GRAMD4: variants seen among roughly 807,000 people sequenced by gnomAD.
GRAMD4 encodes GRAM domain-containing protein 4.
A neutral mutation model predicts 83.9 loss-of-function variants in GRAMD4; 25 were observed. The observed-to-expected ratio is 0.30, with a 90% confidence interval of 0.22 to 0.42. The LOEUF is 0.42. Ranked by LOEUF, GRAMD4 falls within the 10% of genes least tolerant of loss-of-function variation. The pLI, the probability that GRAMD4 is intolerant of heterozygous loss-of-function variation, is 1.00. For missense variants in GRAMD4, 593 were observed against 788.7 expected (o/e 0.75, Z 2.97); for synonymous variants, 336 against 320.9 (o/e 1.05, Z -0.50).
Position 46,678,773 on chromosome 22 carries a change from G to T in GRAMD4, c.*1522G>T. On this transcript the variant is annotated 3_prime_UTR_variant, in exon 19 of 19. Coordinates refer to ENST00000406902, the MANE Select transcript of GRAMD4 (RefSeq NM_015124.5). ...GTGGGTGAGGGATCCGGCGGCATGG[G>T]CTGGTTTCACCCCCTTCACGAGGGG... The T allele has an allele frequency of 1.0e-6, 1 of 986,074 alleles. No individual in the cohort carries two copies. Among genetic ancestry groups the T allele is most frequent in the Non-Finnish European group, 1.2e-6 (1 of 830,022 alleles). The allele number at this position is 986,074 out of a possible 1,614,324, so 61.1% of individuals were successfully genotyped here.
chr22:46,677,884 G>T lies in GRAMD4; in HGVS notation c.*633G>T, dbSNP rs530056034. On this transcript the variant is annotated 3_prime_UTR_variant, in exon 19 of 19. Transcript: ENST00000406902. ...CACTCGCTCCACGGGAACAGAGAGG[G>T]TGAGAAGGGCCCACCCCTCGCCTGC... 2.0e-4 allele frequency: 199 copies of T among 985,226 alleles called. 1 individual carries two copies. The African/African-American group carries it at 3.1e-3, about 15-fold the overall frequency. The allele number at this position is 985,226 out of a possible 1,614,324, so 61.0% of individuals were successfully genotyped here.
At chr22:46,668,628 G>C in intron 11 of GRAMD4, 61 bp from the exon 12 acceptor site, 1 of 1,496,032 alleles carries the variant, frequency 6.7e-7, no homozygotes, top group Non-Finnish European at 9.3e-7. Context: ...TCCTGGCGTC[G>C]CGGTGTGACT....
At chr22:46,589,890 C>A (rs61314860) in intron 1 of GRAMD4, among the ~76,000 whole-genome samples, 1 of 151,944 alleles carries the variant, frequency 6.6e-6, no homozygotes, top group Non-Finnish European at 1.5e-5. Context: ...TCAGAGAGGC[C>A]TCCTGTCAAC....
chr22:46,591,007 C>G (rs2081201481), intron 1 of GRAMD4, among the ~76,000 whole-genome samples: 1 of 151,960 alleles, frequency 6.6e-6, no homozygotes, highest in Admixed American at 6.6e-5. Context: ...TTGCAGTAAG[C>G]CAAGATCGTG....
chr22:46,576,940 A>ACGCGGACCCGCCAGGGCAGGCGCGCCCC (rs2081047168), upstream of GRAMD4, among the ~76,000 whole-genome samples: 2 of 144,580 alleles, frequency 1.4e-5, no homozygotes, highest in African/African-American at 2.5e-5. Flanking sequence ...GAGCTGGCGC[A>ACGCGGACCCGCCAGGGCAGGCGCGCCCC]CGCGGACCCG....
At chr22:46,647,979 A>T (rs2082095327) in intron 3 of GRAMD4, among the ~76,000 whole-genome samples, 1 of 152,270 alleles carries the variant, frequency 6.6e-6, no homozygotes, top group African/African-American at 2.4e-5. Flanking sequence ...GAGTAAAGGT[A>T]GCTGCTGCCT....
In GRAMD4 at chr22:46,678,704, T is replaced by C. The variant is rs1329781339; in HGVS notation, c.*1453T>C. The C allele has an allele frequency of 1.0e-6, 1 of 985,610 alleles. No homozygotes were observed. 61.1% of individuals were successfully genotyped at this position (985,610 alleles called of 1,614,324 possible). A position where few individuals can be genotyped will look rare whatever the true frequency, so the allele number is the denominator to read the frequency against. On this transcript the variant is annotated 3_prime_UTR_variant, in exon 19 of 19. Coordinates refer to ENST00000406902, the MANE Select transcript of GRAMD4 (RefSeq NM_015124.5). The stretch of plus-strand genomic sequence containing the variant: ...TGGTTTTCTTATTTTTGTATCCTTT[T>C]TCAGATGTAATTTTTATCTTTGCTC...
rs145233061 is a variant in GRAMD4 at position 46,600,434 on chromosome 22, C to T, written c.-50+23144C>T. On this transcript the variant is annotated intron_variant, in intron 1 of 1. Coordinates refer to the GRAMD4 transcript ENST00000431155. ...TGACGTGGTGCTTTTTCACCCTCCA[C>T]GCCTCCTTCTGCTTCCCTTGTGGCT... Among the ~76,000 whole-genome samples, 21 of 152,292 alleles carry T rather than the reference C, an allele frequency of 1.4e-4. No individual in the cohort carries two copies. In the East Asian group the frequency reaches 2.1e-3, roughly 15 times the overall value.
intron 1 of GRAMD4, among the ~76,000 whole-genome samples, chr22:46,608,521 A>G (rs1031461129): frequency 2.0e-5 from 3 of 152,180 alleles, no homozygotes; most frequent in African/African-American, 7.2e-5. Flanking sequence ...TCTACTAAAA[A>G]TACAAAAATT....
At chr22:46,599,718 G>A (rs1344003818) in intron 1 of GRAMD4, among the ~76,000 whole-genome samples, 2 of 152,180 alleles carry the variant, frequency 1.3e-5, no homozygotes, top group Non-Finnish European at 2.9e-5. Context: ...TCTGAAATGA[G>A]CATCTTGGTT....
At chr22:46,657,759 G>A (rs910327948) in intron 3 of GRAMD4, among the ~76,000 whole-genome samples, 10 of 152,288 alleles carry the variant, frequency 6.6e-5, no homozygotes, top group African/African-American at 7.2e-5. Flanking sequence ...TGCTGCCGAC[G>A]CGTCCCAGAA....
intron 1 of GRAMD4, among the ~76,000 whole-genome samples, chr22:46,587,525 G>A (rs1190886771): frequency 6.6e-6 from 1 of 151,804 alleles, no homozygotes; most frequent in South Asian, 2.1e-4. Flanking sequence ...TAGGGGGATA[G>A]TCAGGGTCTG....
In GRAMD4 at chr22:46,672,872, A is replaced by G. The variant is rs1034512536; in HGVS notation, c.1114A>G (p.Ile372Val). ...GLYAGIKFFL[I>V]DFIFKRCPRL... ...CTATGCTGGTATCAAGTTCTTCCTC[A>G]TTGATTTCATCTTTAAACGCTGCCC... Residue 372 changes from isoleucine (I) to valine (V), a missense_variant, in exon 14 of 19, where the codon ATT (isoleucine) becomes GTT (valine). This residue lies in a region of GRAMD4 where 171 missense variants were observed against 199.6 expected (regional missense o/e 0.86). Transcript: ENST00000406902. The surrounding 1 kb of genome is among the most constrained non-coding windows in gnomAD (Gnocchi z 4.7). 6.2e-7 allele frequency: 1 copy of G among 1,612,814 alleles called. No homozygotes were observed. The highest frequency in any genetic ancestry group is 8.5e-7 in the Non-Finnish European group (1 of 1,179,672).
chr22:46,629,010 C>T (rs946513757), intron 2 of GRAMD4, among the ~76,000 whole-genome samples: 5 of 151,982 alleles, frequency 3.3e-5, no homozygotes, highest in Non-Finnish European at 5.9e-5. Flanking sequence ...GGGAGCCCAC[C>T]GAGTAGGGGC....
At chr22:46,636,658 T>C (rs1000361261) in intron 2 of GRAMD4, among the ~76,000 whole-genome samples, 1 of 152,228 alleles carries the variant, frequency 6.6e-6, no homozygotes, top group Non-Finnish European at 1.5e-5. Flanking sequence ...GGGTCGCTGC[T>C]GTCCTGTGGT....
upstream of GRAMD4, among the ~76,000 whole-genome samples, chr22:46,616,188 GTGTACGTTCCCCTGTA>G (rs1368400462): frequency 2.6e-3 from 292 of 113,272 alleles, 30 homozygotes; most frequent in Admixed American, 3.2e-3. Context: ...GTTCCCCTGT[GTGTACGTTCCCCTGTA>G]TGTACGTTCC....
chr22:46,638,962 A>G (rs1280663151), intron 3 of GRAMD4, among the ~76,000 whole-genome samples: 1 of 152,176 alleles, frequency 6.6e-6, no homozygotes, highest in East Asian at 1.9e-4. Flanking sequence ...CAGTGCTCTC[A>G]TGTCTGTGCG....
intron 18 of GRAMD4, among the ~76,000 whole-genome samples, 197 bp downstream of exon 18, chr22:46,676,865 G>A (rs940766503): frequency 2.6e-5 from 4 of 152,242 alleles, no homozygotes; most frequent in African/African-American, 9.6e-5. Flanking sequence ...TGGGGCCATC[G>A]AGTCACCGGA....
intron 3 of GRAMD4, among the ~76,000 whole-genome samples, chr22:46,639,434 G>A (rs1274759340): frequency 6.6e-6 from 1 of 150,386 alleles, no homozygotes; most frequent in Non-Finnish European, 1.5e-5. Context: ...GTGTGTGTGT[G>A]TGTCTGCGTG....
Sources: allele counts gnomAD v4.1 joint callset (sites outside exome capture counted in the v4.1 genomes callset), GRCh38; gene constraint gnomAD v4.1.1; regional missense constraint gnomAD v4.1.1; non-coding constraint Gnocchi (gnomAD v3.1); transcripts MANE v1.5; gene names NCBI Gene and HGNC (gene_info 2026-07-23, HGNC 2026-07-21).